TESK2: variants seen among roughly 807,000 people sequenced by gnomAD.
TESK2 encodes testis associated actin remodelling kinase 2.
Under a neutral mutation model 57.1 loss-of-function variants are expected in TESK2, and 39 were observed. That is an observed-to-expected ratio of 0.68 (90% CI 0.53 to 0.89). The LOEUF is 0.89. TESK2 is among the 40% of genes least tolerant of loss of function. The pLI is 0.00. For synonymous variants in TESK2, 249 were observed against 267.9 expected, an observed-to-expected ratio of 0.93 and a Z score of 0.69; for missense variants, 646 against 732.1, an observed-to-expected ratio of 0.88 and a Z score of 1.36.
chr1:45,357,543 A>G (rs911345758), intron 4 of TESK2, among the ~76,000 whole-genome samples: 5 of 151,210 alleles, frequency 3.3e-5, no homozygotes, highest in Non-Finnish European at 5.9e-5. Context: ...CATGAAGGGC[A>G]GCTTTGCTTT....
At chr1:45,452,612 C>G (rs1651913743) in intron 2 of TESK2, among the ~76,000 whole-genome samples, 1 of 152,014 alleles carries the variant, frequency 6.6e-6, no homozygotes. Flanking sequence ...GAGAGGGACC[C>G]CATCTTAAGA....
intron 1 of TESK2, among the ~76,000 whole-genome samples, chr1:45,471,593 A>G (rs1425852347): frequency 6.6e-6 from 1 of 151,812 alleles, no homozygotes; most frequent in Non-Finnish European, 1.5e-5. Flanking sequence ...TTTTTAGTGG[A>G]GATGGGGTTT....
intron 3 of TESK2, chr1:45,398,740 C>T (rs1649461810): frequency 8.4e-6 from 2 of 237,060 alleles, no homozygotes; most frequent in Middle Eastern, 7.0e-4. Context: ...AAGTAGATTA[C>T]ATTTCCCAGT....
At chr1:45,390,774 A>G (rs72892517) in intron 3 of TESK2, among the ~76,000 whole-genome samples, 1 of 140,182 alleles carries the variant, frequency 7.1e-6, no homozygotes, top group African/African-American at 2.6e-5. Flanking sequence ...TGTTATTGTT[A>G]TTATTATTAT....
intron 3 of TESK2, among the ~76,000 whole-genome samples, chr1:45,399,808 A>G (rs1196344328): frequency 6.6e-6 from 1 of 152,230 alleles, no homozygotes; most frequent in Admixed American, 6.5e-5. Context: ...ACTATTAGCC[A>G]GCAGTCTCCA....
Position 45,407,256 on chromosome 1 carries a change from T to G in TESK2, c.344+14469A>C, listed in dbSNP as rs199500870. Among the ~76,000 whole-genome samples the G allele has an allele frequency of 1.3e-3, 180 of 142,672 alleles. 2 individuals are homozygous for G. Among genetic ancestry groups the G allele is most frequent in the East Asian group, 0.012 (59 of 4,782 alleles). 93.6% of individuals were successfully genotyped at this position (142,672 alleles called of 152,430 possible). ...GGTGGCCCCACAATGGGTTTTTTTTTGTTTTTTTAATCTTTTGCTGAGACA... is the reference window on the plus strand; with the variant it reads ...GGTGGCCCCACAATGGGTTTTTTTTGGTTTTTTTAATCTTTTGCTGAGACA... On this transcript the variant is annotated intron_variant, in intron 3 of 10. Transcript: ENST00000372086.
chr1:45,378,801 G>A (rs1039027773), intron 4 of TESK2, among the ~76,000 whole-genome samples: 1 of 152,174 alleles, frequency 6.6e-6, no homozygotes, highest in South Asian at 2.1e-4. Context: ...TCAAAATGGT[G>A]TGTATCAAGT....
chr1:45,401,418 T>A (rs1649592555), intron 3 of TESK2, among the ~76,000 whole-genome samples: 1 of 151,132 alleles, frequency 6.6e-6, no homozygotes, highest in Non-Finnish European at 1.5e-5. Context: ...TAATAATAAA[T>A]AAATAAATAA....
At chr1:45,443,077 G>A (rs1237738337) in intron 2 of TESK2, among the ~76,000 whole-genome samples, 4 of 152,040 alleles carry the variant, frequency 2.6e-5, no homozygotes, top group Admixed American at 6.6e-5. Context: ...CAACATATCC[G>A]GCCTACTTTC....
At chr1:45,421,269 T>C (rs1650464344) in intron 3 of TESK2, among the ~76,000 whole-genome samples, 1 of 151,926 alleles carries the variant, frequency 6.6e-6, no homozygotes, top group South Asian at 2.1e-4. Context: ...AAAATAACAA[T>C]TCTCAAAGGC....
At chr1:45,447,395 C>A (rs1570740304) in intron 2 of TESK2, among the ~76,000 whole-genome samples, 1 of 151,352 alleles carries the variant, frequency 6.6e-6, no homozygotes, top group South Asian at 2.1e-4. Flanking sequence ...GACACAAACA[C>A]ACACATTAGC....
chr1:45,394,959 G>A (rs1326472449), intron 3 of TESK2, among the ~76,000 whole-genome samples: 1 of 151,704 alleles, frequency 6.6e-6, no homozygotes, highest in Admixed American at 6.6e-5. Context: ...CAAAAGGCTG[G>A]GATTACAGGC....
intron 3 of TESK2, among the ~76,000 whole-genome samples, chr1:45,389,343 G>T (rs1227273721): frequency 6.6e-6 from 1 of 152,154 alleles, no homozygotes; most frequent in Admixed American, 6.6e-5. Context: ...AGCCCAGGAA[G>T]TTGAGGCTGC....
At chr1:45,429,219 G>T (rs2492841) in intron 2 of TESK2, among the ~76,000 whole-genome samples, 72,278 of 151,718 alleles carry the variant, frequency 0.48, 17,399 homozygotes, top group Middle Eastern at 0.54. Flanking sequence ...GCCAATATGG[G>T]GAAAACCCAT....
intron 7 of TESK2, 40 bp downstream of exon 7, chr1:45,347,567 AAG>A: frequency 6.3e-7 from 1 of 1,577,598 alleles, no homozygotes; most frequent in Non-Finnish European, 8.7e-7. Flanking sequence ...AAAAAAGAAA[AAG>A]AAAAAAGGAG....
intron 1 of TESK2, among the ~76,000 whole-genome samples, chr1:45,481,983 T>A (rs1217495144): frequency 6.6e-6 from 1 of 152,218 alleles, no homozygotes; most frequent in African/African-American, 2.4e-5. Flanking sequence ...TGGAGCCACC[T>A]CCTGTTGCTG....
chr1:45,401,963 C>G (rs1649641896), intron 3 of TESK2, among the ~76,000 whole-genome samples: 2 of 150,816 alleles, frequency 1.3e-5, no homozygotes, highest in Admixed American at 6.6e-5. Context: ...GTTATGGTAA[C>G]AACAATTAAG....
intron 1 of TESK2, among the ~76,000 whole-genome samples, chr1:45,458,783 G>A (rs1652218995): frequency 6.6e-6 from 1 of 151,948 alleles, no homozygotes; most frequent in African/African-American, 2.4e-5. Context: ...ATTCACTGTT[G>A]ATGAAAAAGC....
At chr1:45,376,767 G>GTA (rs2149271775) in intron 4 of TESK2, among the ~76,000 whole-genome samples, 1 of 152,256 alleles carries the variant, frequency 6.6e-6, no homozygotes, top group South Asian at 2.1e-4. Context: ...AAGCAAGAAT[G>GTA]TATAGAAGAG....
Sources: allele counts gnomAD v4.1 joint callset (sites outside exome capture counted in the v4.1 genomes callset), GRCh38; gene constraint gnomAD v4.1.1; transcripts MANE v1.5; gene names NCBI Gene and HGNC (gene_info 2026-07-23, HGNC 2026-07-21).